ZNF500: variants seen among roughly 807,000 people sequenced by gnomAD.
ZNF500 encodes the protein zinc finger protein 500, also known as zinc finger protein with KRAB and SCAN domains 18.
Under a neutral mutation model 30.1 loss-of-function variants are expected in ZNF500, and 31 were observed. That is an observed-to-expected ratio of 1.03 (90% confidence interval 0.77 to 1.39). ZNF500 has a LOEUF of 1.39. ZNF500 is among the 40% of genes most tolerant of loss of function. The pLI is 0.00. For missense variants in ZNF500, 817 were observed against 657.8 expected, an observed-to-expected ratio of 1.24 and a Z score of -2.65; for synonymous variants, 392 against 282.0, an observed-to-expected ratio of 1.39 and a Z score of -3.91.
chr16:4,765,901 C>A lies in ZNF500; in HGVS notation c.78G>T (p.Lys26Asn). The change falls in exon 2 of 6, where the codon AAG (lysine) becomes AAT (asparagine). Residue 26 changes from lysine to asparagine, a missense_variant. Lys to Asn is a moderately conservative substitution (Grantham distance 94). Transcript: ENST00000219478. ...DLEQEEILIVKVEEDFCLEEE... is the reference protein window; with the variant it reads ...DLEQEEILIVNVEEDFCLEEE... Reference sequence around the variant, plus strand: ...CTTCCAAGCAGAAGTCCTCCTCCACCTTCACAATCAGGATCTCTTCCTGTT... The same window carrying A: ...CTTCCAAGCAGAAGTCCTCCTCCACATTCACAATCAGGATCTCTTCCTGTT... 1.9e-6 allele frequency: 3 copies of A among 1,612,914 alleles called. No homozygotes were observed. The highest frequency in any genetic ancestry group is 2.5e-6 in the Non-Finnish European group (3 of 1,179,708).
chr16:4,754,125 G>A (rs1043573453), intron 5 of ZNF500, among the ~76,000 whole-genome samples: 1 of 152,248 alleles, frequency 6.6e-6, no homozygotes, highest in Admixed American at 6.5e-5. Context: ...GGGGCTGGGG[G>A]AGCAGCCGTC....
At position 4,766,027 on chromosome 16, in the gene ZNF500, C is replaced by G. The variant is rs773741284; in HGVS notation, c.-49G>C. The G allele has an allele frequency of 1.3e-6, 2 of 1,508,012 alleles. No individual in the cohort carries two copies. The highest frequency in any genetic ancestry group is 1.8e-6 in the Non-Finnish European group (2 of 1,135,718). 93.4% of individuals were successfully genotyped at this position (1,508,012 alleles called of 1,614,324 possible). A position where few individuals can be genotyped will look rare whatever the true frequency, so the allele number is the denominator to read the frequency against. On this transcript the variant is annotated 5_prime_UTR_variant, in exon 2 of 6. Transcript: ENST00000219478. ...TTTCAGGCCTTAGAGTTGAACCTGT[C>G]TCTCTCTATACCTCTGGCCAGACAC...
intron 2 of ZNF500, chr16:4,764,045 C>G (rs2141849455): frequency 1.0e-6 from 1 of 985,408 alleles, no homozygotes; most frequent in Non-Finnish European, 1.2e-6. Context: ...ACTGAAGCAG[C>G]AGGAATGAGT....
chr16:4,764,699 G>A (rs1217548376), intron 2 of ZNF500, among the ~76,000 whole-genome samples: 4 of 151,074 alleles, frequency 2.6e-5, no homozygotes, highest in South Asian at 2.1e-4. Context: ...GGAGAATGGC[G>A]TGAATCCGGG....
chr16:4,761,562 C>T (rs903330472), intron 4 of ZNF500, among the ~76,000 whole-genome samples: 1 of 148,472 alleles, frequency 6.7e-6, no homozygotes, highest in Admixed American at 6.7e-5. Context: ...AAAAATAAAA[C>T]AGGCCAGGCA....
downstream of ZNF500, chr16:4,746,778 A>C (rs997871976): frequency 3.8e-6 from 3 of 797,884 alleles, no homozygotes; most frequent in African/African-American, 5.3e-5. Context: ...ACCTGTCCTC[A>C]CCTCCTGGCA....
downstream of ZNF500, chr16:4,746,965 A>T: frequency 6.4e-7 from 1 of 1,554,722 alleles, no homozygotes; most frequent in Non-Finnish European, 8.7e-7. Flanking sequence ...GAGGAGGAGG[A>T]GGAAGAGATG....
downstream of ZNF500, chr16:4,745,125 C>T (rs995261832): frequency 5.3e-5 from 72 of 1,346,888 alleles, no homozygotes; most frequent in Admixed American, 4.8e-4. Context: ...TTCTCAGTCA[C>T]TCTCAAGCAT....
In ZNF500 at chr16:4,751,640, C is replaced by A; in HGVS notation, c.*736G>T. 6.5e-7 allele frequency: 1 copy of A among 1,535,312 alleles called. No homozygotes were observed. Among genetic ancestry groups the A allele is most frequent in the South Asian group, 1.2e-5 (1 of 84,044 alleles). On this transcript the variant is annotated 3_prime_UTR_variant, in exon 6 of 6. Coordinates refer to ENST00000219478, the MANE Select transcript of ZNF500 (RefSeq NM_021646.4). ...AGGGGTCCCTCAAATTCATGTGCAC[C>A]CAGACCTCAGAATGTGACCTTATTT...
chr16:4,763,868 C>T, intron 2 of ZNF500: 1 of 985,446 alleles, frequency 1.0e-6, no homozygotes, highest in Non-Finnish European at 1.2e-6. Context: ...TGTGCCTCCT[C>T]TGTTGGCTGC....
rs1457223671 is a variant in ZNF500 at position 4,748,513 on chromosome 16, C to A, written c.*3863G>T. ...AAATGCTGTCCTGTGTAGAATGGAG[C>A]AGCGGCCTCACTTGTTGATCACCAG... On this transcript the variant is annotated 3_prime_UTR_variant, in exon 6 of 6. Coordinates refer to ENST00000219478, the MANE Select transcript of ZNF500 (RefSeq NM_021646.4). 6.6e-6 allele frequency: 1 copy of A among 152,190 alleles called. No individual in the cohort carries two copies. The highest frequency in any genetic ancestry group is 1.9e-4 in the East Asian group (1 of 5,178). The allele number at this position is 152,190 out of a possible 1,614,324, so 9.4% of individuals were successfully genotyped here. A position where few individuals can be genotyped will look rare whatever the true frequency, so the allele number is the denominator to read the frequency against.
Position 4,752,026 on chromosome 16 carries a change from A to T in ZNF500, c.*350T>A. On this transcript the variant is annotated 3_prime_UTR_variant, in exon 6 of 6. Coordinates refer to ENST00000219478, the MANE Select transcript of ZNF500 (RefSeq NM_021646.4). The stretch of plus-strand genomic sequence containing the variant: ...GAGGCTGTATGCCAGCAGCCACTGG[A>T]TGCTGGAGGCAGCTGATGGACCCTC... The T allele has an allele frequency of 8.3e-7, 1 of 1,209,672 alleles. No individual in the cohort carries two copies. Among genetic ancestry groups the T allele is most frequent in the Non-Finnish European group, 1.0e-6 (1 of 953,382 alleles). The allele number at this position is 1,209,672 out of a possible 1,614,324, so 74.9% of individuals were successfully genotyped here.
At chr16:4,757,117 A>C (rs981671241) in intron 5 of ZNF500, among the ~76,000 whole-genome samples, 11 of 152,230 alleles carry the variant, frequency 7.2e-5, no homozygotes, top group African/African-American at 2.4e-4. Context: ...AACACTGTGA[A>C]GATACGAAAC....
downstream of ZNF500, chr16:4,746,247 G>A (rs952731556): frequency 4.9e-6 from 5 of 1,017,040 alleles, no homozygotes; most frequent in African/African-American, 1.6e-5. Context: ...TGTGTTTAAT[G>A]TGCCCGTCTG....
chr16:4,746,568 G>A (rs1324258708), downstream of ZNF500: 1 of 1,558,658 alleles, frequency 6.4e-7, no homozygotes, highest in Non-Finnish European at 8.7e-7. Flanking sequence ...GTTGCCTGTT[G>A]ACCGCACAGA....
Position 4,752,866 on chromosome 16 carries a change from G to T in ZNF500, c.953C>A (p.Ser318Tyr). 6.2e-7 allele frequency: 1 copy of T among 1,614,114 alleles called. No individual in the cohort carries two copies. The highest frequency in any genetic ancestry group is 8.5e-7 in the Non-Finnish European group (1 of 1,180,034). The part of the protein sequence containing the change: ...RGGPPPGRRA[S>Y]HGADKPYTCP... ...GGTGTACGGCTTGTCAGCCCCATGG[G>T]AAGCCCGTCTTCCTGGTGGGGGGCC... The change falls in exon 6 of 6, where the codon TCC becomes TAC. Residue 318 changes from serine to tyrosine, a missense_variant. Physicochemically the swap from Ser to Tyr is moderately radical, Grantham distance 144. Coordinates refer to ENST00000219478, the MANE Select transcript of ZNF500 (RefSeq NM_021646.4).
chr16:4,747,791 C>T (rs1273677662), downstream of ZNF500, among the ~76,000 whole-genome samples: 1 of 100,960 alleles, frequency 9.9e-6, no homozygotes, highest in South Asian at 3.0e-4. Flanking sequence ...AGAGCTCAGT[C>T]ACAGGTGCAT....
downstream of ZNF500, chr16:4,746,663 C>T: frequency 8.9e-7 from 1 of 1,120,766 alleles, no homozygotes; most frequent in Non-Finnish European, 1.2e-6. Flanking sequence ...GCCTACAGTC[C>T]CCCTGGGTCC....
At chr16:4,762,231 C>T (rs369965612) in intron 4 of ZNF500, 40 bp downstream of exon 4, 9 of 1,601,772 alleles carry the variant, frequency 5.6e-6, no homozygotes, top group Non-Finnish European at 7.7e-6. Context: ...GAGGTCGGGC[C>T]AGACCCCAGG....
Sources: gnomAD v4.1 joint callset for allele counts (sites outside exome capture counted in the v4.1 genomes callset) on GRCh38, gnomAD v4.1.1 for gene constraint, MANE v1.5 for transcripts, NCBI Gene and HGNC (gene_info 2026-07-23, HGNC 2026-07-21) for gene names.